FBXW10B: variants seen among roughly 807,000 people sequenced by gnomAD.
FBXW10B encodes F-box and WD repeat domain containing protein 10B.
the FBXW10B span, among the ~76,000 whole-genome samples, chr17:15,606,661 G>A: frequency 6.6e-6 from 1 of 150,998 alleles, no homozygotes; most frequent in South Asian, 2.1e-4. Flanking sequence ...ATATGTGTGT[G>A]TATATGTACA....
At chr17:15,606,370 T>A in the FBXW10B span, among the ~76,000 whole-genome samples, 3 of 145,860 alleles carry the variant, frequency 2.1e-5, no homozygotes, top group African/African-American at 7.8e-5. Context: ...TACAAAAAAA[T>A]TCAGAAATTA....
At chr17:15,618,605 C>T in the FBXW10B span, among the ~76,000 whole-genome samples, 19 of 151,246 alleles carry the variant, frequency 1.3e-4, no homozygotes, top group African/African-American at 4.6e-4. Context: ...GGTTTCTGTG[C>T]AGGGCAGCTG....
At chr17:15,600,032 T>C in the FBXW10B span, among the ~76,000 whole-genome samples, 1 of 151,358 alleles carries the variant, frequency 6.6e-6, no homozygotes, top group Non-Finnish European at 1.5e-5. Flanking sequence ...CTGGCTAACA[T>C]GGTGAAAACC....
At chr17:15,594,470 CAAA>C in the FBXW10B span, 645 of 262,484 alleles carry the variant, frequency 2.5e-3, no homozygotes, top group South Asian at 4.5e-3. Context: ...GACTCTGTCT[CAAA>C]AAAAAAAAAA....
chr17:15,601,428 A>AG, the FBXW10B span, among the ~76,000 whole-genome samples: 1 of 151,310 alleles, frequency 6.6e-6, no homozygotes, highest in Non-Finnish European at 1.5e-5. Context: ...AAAAAAAAAA[A>AG]AGAGAAAGAA....
the FBXW10B span, chr17:15,615,746 G>T: frequency 6.2e-7 from 1 of 1,613,762 alleles, no homozygotes. Flanking sequence ...TTGTGAGGTC[G>T]CAGACTTGGA....
At chr17:15,605,607 C>T in the FBXW10B span, among the ~76,000 whole-genome samples, 2 of 152,154 alleles carry the variant, frequency 1.3e-5, no homozygotes, top group African/African-American at 2.4e-5. Flanking sequence ...CACTCTCATA[C>T]GATGACAAAA....
chr17:15,605,929 G>A, the FBXW10B span, among the ~76,000 whole-genome samples: 1 of 145,808 alleles, frequency 6.9e-6, no homozygotes, highest in East Asian at 2.1e-4. Flanking sequence ...CTTACAATGA[G>A]CTTATTGTCC....
At chr17:15,584,319 T>A in the FBXW10B span, among the ~76,000 whole-genome samples, 1 of 152,204 alleles carries the variant, frequency 6.6e-6, no homozygotes, top group South Asian at 2.1e-4. Context: ...CCTGGGGAAA[T>A]TATTAAGATA....
chr17:15,617,407 C>G, the FBXW10B span, among the ~76,000 whole-genome samples: 1 of 152,154 alleles, frequency 6.6e-6, no homozygotes, highest in Non-Finnish European at 1.5e-5. Context: ...CTGCTTAAAT[C>G]TGAGCTTCCC....
At chr17:15,609,852 C>T in the FBXW10B span, among the ~76,000 whole-genome samples, 22 of 103,192 alleles carry the variant, frequency 2.1e-4, no homozygotes, top group East Asian at 6.1e-4. Context: ...TTCTTTCTTT[C>T]TTTTTTTTTT....
chr17:15,577,067 C>CT, the FBXW10B span, among the ~76,000 whole-genome samples: 1 of 148,374 alleles, frequency 6.7e-6, no homozygotes, highest in Non-Finnish European at 1.5e-5. Flanking sequence ...CCCAGCCAGG[C>CT]TAAAGCTCTG....
At chr17:15,613,469 A>G in the FBXW10B span, 1 of 819,192 alleles carries the variant, frequency 1.2e-6, no homozygotes, top group Non-Finnish European at 1.8e-6. Flanking sequence ...TTGGACCAAA[A>G]AGAAGGGACC....
the FBXW10B span, among the ~76,000 whole-genome samples, chr17:15,604,058 T>C: frequency 2.8e-5 from 4 of 142,994 alleles, no homozygotes; most frequent in Non-Finnish European, 4.5e-5. Context: ...CCAGCCTGGG[T>C]GACACAGTGA....
the FBXW10B span, among the ~76,000 whole-genome samples, chr17:15,616,053 G>C: frequency 6.6e-6 from 1 of 152,160 alleles, no homozygotes; most frequent in African/African-American, 2.4e-5. Flanking sequence ...CAAGCAGAGA[G>C]AGAGAGTCGA....
chr17:15,581,479 A>C, the FBXW10B span, among the ~76,000 whole-genome samples: 1 of 152,124 alleles, frequency 6.6e-6, no homozygotes, highest in African/African-American at 2.4e-5. Flanking sequence ...ATTAAAACAA[A>C]GTAGATAGTG....
chr17:15,573,377 T>G, the FBXW10B span: 1 of 152,206 alleles, frequency 6.6e-6, no homozygotes, highest in African/African-American at 2.4e-5. Context: ...ACTGAGAGTC[T>G]CCTTAAAGGC....
chr17:15,587,482 C>A, the FBXW10B span, among the ~76,000 whole-genome samples: 1 of 151,462 alleles, frequency 6.6e-6, no homozygotes, highest in Non-Finnish European at 1.5e-5. Flanking sequence ...CAGTGCTGGC[C>A]CCTATAGCAG....
chr17:15,616,853 C>G, the FBXW10B span, among the ~76,000 whole-genome samples: 1 of 150,838 alleles, frequency 6.6e-6, no homozygotes, highest in Non-Finnish European at 1.5e-5. Context: ...TTGCCACAAC[C>G]TGTAATAGGA....
Sources: gnomAD v4.1 joint callset for allele counts (sites outside exome capture counted in the v4.1 genomes callset) on GRCh38, gnomAD v4.1.1 for gene constraint, MANE v1.5 for transcripts, NCBI Gene and HGNC (gene_info 2026-07-23, HGNC 2026-07-21) for gene names.